Variants in MORC3 observed in about 807,000 individuals in gnomAD.
MORC3 encodes MORC family CW-type zinc finger 3.
MORC3 carries 31 observed loss-of-function variants against 109.1 expected under a neutral mutation model. That is an observed-to-expected ratio of 0.28 (90% confidence interval 0.21 to 0.38). MORC3 has a LOEUF of 0.38. Ranked by LOEUF, MORC3 falls within the 10% of genes least tolerant of loss-of-function variation. The pLI, the probability that MORC3 is intolerant of heterozygous loss-of-function variation, is 1.00. For synonymous variants in MORC3, 395 were observed against 380.7 expected, an observed-to-expected ratio of 1.04 and a Z score of -0.44; for missense variants, 867 against 1,135.8, an observed-to-expected ratio of 0.76 and a Z score of 3.40.
chr21:36,360,016 G>T lies in MORC3; in HGVS notation c.1270G>T (p.Asp424Tyr). The T allele has an allele frequency of 6.2e-7, 1 of 1,614,172 alleles. No homozygotes were observed. ...CTGTCTAAAGTGGCGGAAATTACCT[G>T]ATGGGATGGATCAACTTCCTGAAAA... ...DACLKWRKLPDGMDQLPEKWY... is the reference protein window; with the variant it reads ...DACLKWRKLPYGMDQLPEKWY... The change falls in exon 11 of 17, where the codon GAT (aspartate) becomes TAT (tyrosine). Residue 424 changes from aspartate (D) to tyrosine (Y), a missense_variant. Physicochemically the swap from Asp to Tyr is radical, Grantham distance 160. Coordinates refer to ENST00000400485, the MANE Select transcript of MORC3 (RefSeq NM_015358.3).
At chr21:36,329,409 G>A (rs958796206) in intron 1 of MORC3, among the ~76,000 whole-genome samples, 1 of 152,138 alleles carries the variant, frequency 6.6e-6, no homozygotes, top group African/African-American at 2.4e-5. Context: ...GCTTTACAAT[G>A]AATCAGTGTT....
intron 6 of MORC3, among the ~76,000 whole-genome samples, chr21:36,344,208 G>T (rs1333994064): frequency 6.6e-6 from 1 of 151,746 alleles, no homozygotes; most frequent in Non-Finnish European, 1.5e-5. Context: ...GCTCACTGCA[G>T]CCTCCGCCTC....
chr21:36,345,156 A>C, intron 8 of MORC3, 125 bp downstream of exon 8: 1 of 1,074,910 alleles, frequency 9.3e-7, no homozygotes, highest in Non-Finnish European at 1.3e-6. Flanking sequence ...TTTAATGTAA[A>C]TTTGTAAAAA....
chr21:36,368,536 A>G (rs191983963), intron 14 of MORC3, among the ~76,000 whole-genome samples: 1 of 152,308 alleles, frequency 6.6e-6, no homozygotes, highest in East Asian at 1.9e-4. Context: ...GATTGGTACT[A>G]TACAATGCGT....
chr21:36,363,644 C>T (rs1175686304), intron 13 of MORC3, among the ~76,000 whole-genome samples: 1 of 152,120 alleles, frequency 6.6e-6, no homozygotes, highest in African/African-American at 2.4e-5. Flanking sequence ...CTTGAGTACT[C>T]GAAGTACAGT....
intron 12 of MORC3, chr21:36,360,528 A>G (rs936347142): frequency 5.8e-6 from 2 of 347,204 alleles, no homozygotes; most frequent in African/African-American, 1.9e-4. Flanking sequence ...TCATTAGTGA[A>G]TACCCCCCCC....
intron 14 of MORC3, 110 bp from the exon 15 acceptor site, chr21:36,368,878 A>G (rs1195535002): frequency 1.7e-6 from 2 of 1,150,030 alleles, no homozygotes; most frequent in Non-Finnish European, 2.4e-6. Context: ...CTCCATCTCA[A>G]AAAACAAAAA....
At chr21:36,333,033 C>G (rs905837704) in intron 1 of MORC3, among the ~76,000 whole-genome samples, 1 of 152,044 alleles carries the variant, frequency 6.6e-6, no homozygotes, top group Non-Finnish European at 1.5e-5. Flanking sequence ...GTGATCTGCC[C>G]GCCTCGGCCT....
At chr21:36,357,634 T>C (rs2085659596) in intron 10 of MORC3, among the ~76,000 whole-genome samples, 1 of 152,106 alleles carries the variant, frequency 6.6e-6, no homozygotes, top group East Asian at 1.9e-4. Flanking sequence ...TTAGCAGTGG[T>C]AATTTCCTGA....
chr21:36,347,586 G>T (rs2085523660), intron 8 of MORC3, among the ~76,000 whole-genome samples: 1 of 152,164 alleles, frequency 6.6e-6, no homozygotes, highest in African/African-American at 2.4e-5. Context: ...ATTGTGATTT[G>T]CTGTGCTGGG....
intron 3 of MORC3, 75 bp downstream of exon 3, chr21:36,337,081 CTTGGT>C (rs1377214244): frequency 6.5e-7 from 1 of 1,527,788 alleles, no homozygotes; most frequent in Non-Finnish European, 8.9e-7. Flanking sequence ...ACTTACTATT[CTTGGT>C]TTTTGTTTTT....
At position 36,364,308 on chromosome 21, in the gene MORC3, T is replaced by TTTACTTGA. The variant is rs749076721; in HGVS notation, c.1619+50_1619+57dup. 9.0e-6 allele frequency: 14 copies of TTTACTTGA among 1,560,210 alleles called. No homozygotes were observed. The East Asian group carries it at 3.1e-4, about 35-fold the overall frequency. ...CATTTGGGGAATATTAAACAGAGCT[T>TTTACTTGA]TTACTTGACACTTCTGTGACAGTGA... is the stretch of plus-strand genomic sequence containing the variant. On this transcript the variant is annotated intron_variant, in intron 14 of 16. Transcript: ENST00000400485.
At chr21:36,371,340 G>C (rs1469354171) in intron 15 of MORC3, among the ~76,000 whole-genome samples, 2 of 152,102 alleles carry the variant, frequency 1.3e-5, no homozygotes, top group Non-Finnish European at 2.9e-5. Context: ...CTCAACTTAT[G>C]ATGGTGTCAG....
At position 36,332,678 on chromosome 21, in the gene MORC3, G is replaced by T. The variant is rs1362476088; in HGVS notation, c.40-968G>T. Reference sequence around the variant, plus strand: ...GAGTACAAATTGCCCTAAGTTAGAAGAATTTGTACAGTTAGTTTTCATACT... The same window carrying T: ...GAGTACAAATTGCCCTAAGTTAGAATAATTTGTACAGTTAGTTTTCATACT... On this transcript the variant is annotated intron_variant, in intron 1 of 16. Transcript: ENST00000400485. Among the ~76,000 whole-genome samples the T allele has an allele frequency of 1.6e-4, 24 of 151,676 alleles. No homozygotes were observed. In the Admixed American group the frequency reaches 1.6e-3, roughly 10 times the overall value.
intron 9 of MORC3, among the ~76,000 whole-genome samples, chr21:36,354,315 C>G (rs1056450377): frequency 9.4e-6 from 1 of 106,344 alleles, no homozygotes; most frequent in Non-Finnish European, 1.9e-5. Context: ...TTCTTTCTTT[C>G]TTTCTTTCTT....
intron 5 of MORC3, 81 bp downstream of exon 5, chr21:36,339,002 C>A: frequency 6.9e-7 from 1 of 1,458,140 alleles, no homozygotes; most frequent in Non-Finnish European, 9.5e-7. Context: ...TCTCTCGTTA[C>A]ACACAGTAGA....
chr21:36,369,982 T>G (rs184293570), intron 15 of MORC3, 106 bp downstream of exon 15: 13 of 1,340,676 alleles, frequency 9.7e-6, no homozygotes, highest in Non-Finnish European at 1.3e-5. Flanking sequence ...ATCCCACCAC[T>G]TGGGGAGGCC....
Position 36,333,038 on chromosome 21 carries a change from C to T in MORC3, c.40-608C>T, listed in dbSNP as rs191838275. Among the ~76,000 whole-genome samples the T allele has an allele frequency of 5.9e-3, 891 of 152,218 alleles. 12 individuals are homozygous for T. The highest frequency in any genetic ancestry group is 0.02 in the African/African-American group (840 of 41,532). On this transcript the variant is annotated intron_variant, in intron 1 of 16. Coordinates refer to ENST00000400485, the MANE Select transcript of MORC3 (RefSeq NM_015358.3). The stretch of plus-strand genomic sequence containing the variant: ...TCCTGACCTCGTGATCTGCCCGCCT[C>T]GGCCTCCCAAAGTGGTGGGATTACA...
chr21:36,353,158 ACCATC>A (rs1429972827), intron 9 of MORC3, among the ~76,000 whole-genome samples: 3 of 150,836 alleles, frequency 2.0e-5, no homozygotes, highest in Non-Finnish European at 4.4e-5. Context: ...GGAGATCGAG[ACCATC>A]CTGGCTAACA....
Sources: gnomAD v4.1 joint callset for allele counts (sites outside exome capture counted in the v4.1 genomes callset) on GRCh38, gnomAD v4.1.1 for gene constraint, MANE v1.5 for transcripts, NCBI Gene and HGNC (gene_info 2026-07-23, HGNC 2026-07-21) for gene names.